Variants in COL22A1 observed in about 807,000 individuals in gnomAD.
COL22A1 encodes the protein collagen type XXII alpha 1 chain.
A neutral mutation model predicts 248.9 loss-of-function variants in COL22A1; 221 were observed. The ratio of observed to expected loss-of-function variants is 0.89; its 90% CI spans 0.80 to 0.99. COL22A1 has a LOEUF of 0.99. Among genes scored for constraint, COL22A1 ranks in the 50% least tolerant of loss-of-function variants. The probability of loss-of-function intolerance (pLI) is 0.00; values close to 1 mark genes in which losing one functional copy is unlikely to be tolerated. For synonymous variants in COL22A1, 891 were observed against 793.4 expected (o/e 1.12, Z -2.07); for missense variants, 2,240 against 2,179.0 (o/e 1.03, Z -0.56).
chr8:138,614,682 C>T (rs568749800), intron 55 of COL22A1, among the ~76,000 whole-genome samples: 18 of 151,442 alleles, frequency 1.2e-4, no homozygotes, highest in South Asian at 8.4e-4. Flanking sequence ...GACTGTATCA[C>T]GATTCTCAAG....
At chr8:138,717,763 A>C (rs1829557231) in intron 27 of COL22A1, among the ~76,000 whole-genome samples, 1 of 152,250 alleles carries the variant, frequency 6.6e-6, no homozygotes, top group African/African-American at 2.4e-5. Flanking sequence ...GAGGGGCTTT[A>C]TCTCTGATCC....
At chr8:138,809,606 C>T (rs1338737929) in intron 9 of COL22A1, among the ~76,000 whole-genome samples, 5 of 149,212 alleles carry the variant, frequency 3.4e-5, no homozygotes, top group East Asian at 2.0e-4. Context: ...CTGCAACCTC[C>T]GCCTCCCGGG....
intron 16 of COL22A1, among the ~76,000 whole-genome samples, chr8:138,763,754 C>G (rs1002588211): frequency 1.3e-5 from 2 of 152,190 alleles, no homozygotes; most frequent in African/African-American, 4.8e-5. Context: ...CCGCTGCCTC[C>G]CCTGCACCCT....
rs561685515 is a variant in COL22A1 at position 138,824,578 on chromosome 8, C to T, written c.969+2080G>A. ...TTATTGAAACCCAGCCTCAGTTTAC[C>T]CAAATGACAAATGGGGAAAATGTCA... On this transcript the variant is annotated intron_variant, in intron 6 of 64. Coordinates refer to ENST00000303045, the MANE Select transcript of COL22A1 (RefSeq NM_152888.3). Among the ~76,000 whole-genome samples the T allele has an allele frequency of 2.6e-5, 4 of 152,264 alleles. No individual in the cohort carries two copies. In the South Asian group the frequency reaches 8.3e-4, roughly 32 times the overall value.
chr8:138,843,937 C>T (rs781686132), intron 4 of COL22A1, 147 bp downstream of exon 4: 67 of 751,568 alleles, frequency 8.9e-5, no homozygotes, highest in South Asian at 2.2e-4. Context: ...GCCACCTGCA[C>T]GATTCAAACC....
At chr8:138,675,473 G>A (rs1224731265) in intron 41 of COL22A1, among the ~76,000 whole-genome samples, 1 of 152,116 alleles carries the variant, frequency 6.6e-6, no homozygotes, top group African/African-American at 2.4e-5. Context: ...TATTCCAGTT[G>A]CATTTAATAA....
intron 52 of COL22A1, among the ~76,000 whole-genome samples, chr8:138,622,959 C>T (rs561961212): frequency 3.3e-4 from 50 of 151,880 alleles, no homozygotes; most frequent in African/African-American, 1.2e-3. Context: ...TTGGGAAGAC[C>T]TAAGAGGTGC....
rs1483473258 is a variant in COL22A1, at chr8:138,588,655, C to G, written c.*598G>C. On this transcript the variant is annotated 3_prime_UTR_variant, in exon 65 of 65. Coordinates refer to ENST00000303045, the MANE Select transcript of COL22A1 (RefSeq NM_152888.3). ...ACCCTGAGGGCTGATTCTGTGTTTT[C>G]CAAATGCACGTCCCGTCGGGAGGTG... 1 of 152,188 alleles carries G rather than the reference C, an allele frequency of 6.6e-6. No individual in the cohort carries two copies. The highest frequency in any genetic ancestry group is 1.5e-5 in the Non-Finnish European group (1 of 68,076). The allele number at this position is 152,188 out of a possible 1,614,324, so 9.4% of individuals were successfully genotyped here. A position where few individuals can be genotyped will look rare whatever the true frequency, so the allele number is the denominator to read the frequency against.
At chr8:138,750,603 A>C (rs1832514264) in intron 22 of COL22A1, among the ~76,000 whole-genome samples, 1 of 152,220 alleles carries the variant, frequency 6.6e-6, no homozygotes, top group Non-Finnish European at 1.5e-5. Context: ...TGCCTCTCCC[A>C]GATGCCAGGA....
At chr8:138,847,369 T>G (rs1014535699) in intron 3 of COL22A1, among the ~76,000 whole-genome samples, 7 of 152,216 alleles carry the variant, frequency 4.6e-5, no homozygotes, top group Non-Finnish European at 1.0e-4. Context: ...GCTCCTGCCC[T>G]GGAGGTGTAG....
At chr8:138,678,373 C>T (rs1825723621) in intron 40 of COL22A1, among the ~76,000 whole-genome samples, 1 of 152,158 alleles carries the variant, frequency 6.6e-6, no homozygotes, top group African/African-American at 2.4e-5. Flanking sequence ...CCTGCTGTTT[C>T]TGGGTCCCTA....
At chr8:138,620,494 T>C (rs1819698269) in intron 52 of COL22A1, 2 of 152,154 alleles carry the variant, frequency 1.3e-5, no homozygotes, top group African/African-American at 2.4e-5. Flanking sequence ...AGCTGTGTGA[T>C]CTTAAAGTGC....
chr8:138,664,667 C>G (rs911329334), intron 41 of COL22A1, among the ~76,000 whole-genome samples: 1 of 152,168 alleles, frequency 6.6e-6, no homozygotes, highest in Non-Finnish European at 1.5e-5. Context: ...TGAATGCTCC[C>G]ATGAGGTGGC....
At chr8:138,683,681 G>T (rs1481702294) in intron 39 of COL22A1, among the ~76,000 whole-genome samples, 1 of 152,140 alleles carries the variant, frequency 6.6e-6, no homozygotes, top group African/African-American at 2.4e-5. Context: ...GGATGGAAGA[G>T]CCATGGGATT....
chr8:138,831,626 G>A (rs1325065781), intron 5 of COL22A1, among the ~76,000 whole-genome samples: 1 of 152,086 alleles, frequency 6.6e-6, no homozygotes, highest in Non-Finnish European at 1.5e-5. Context: ...CATGAACTAA[G>A]GCCTCCCAGT....
intron 52 of COL22A1, among the ~76,000 whole-genome samples, chr8:138,622,577 C>G (rs1278913814): frequency 1.3e-5 from 2 of 152,182 alleles, no homozygotes; most frequent in Non-Finnish European, 2.9e-5. Flanking sequence ...CTTCCTACTG[C>G]TATGTCCCCT....
intron 12 of COL22A1, among the ~76,000 whole-genome samples, chr8:138,787,864 C>A (rs1162582209): frequency 6.6e-6 from 1 of 152,190 alleles, no homozygotes; most frequent in African/African-American, 2.4e-5. Flanking sequence ...TTATCCATCT[C>A]CTCTCACCCA....
At chr8:138,902,731 T>TAC (rs1814687531) in intron 1 of COL22A1, among the ~76,000 whole-genome samples, 1 of 91,496 alleles carries the variant, frequency 1.1e-5, no homozygotes, top group African/African-American at 4.2e-5. Flanking sequence ...TATAAATATA[T>TAC]ATATATATAC....
rs147112869 is a variant in COL22A1 at position 138,734,431 on chromosome 8, T to G, written c.2139+3093A>C. 3.3e-3 allele frequency among the ~76,000 whole-genome samples: 509 copies of G among 152,284 alleles called. 1 individual carries two copies. The highest frequency in any genetic ancestry group is 8.3e-3 in the African/African-American group (344 of 41,544). ...CATGAATGAATAAGCAAATGCATGA[T>G]AGTAAGCAGGAGAAAACAGAGGCCA... On this transcript the variant is annotated intron_variant, in intron 23 of 64. Transcript: ENST00000303045.
Sources: allele counts gnomAD v4.1 joint callset (sites outside exome capture counted in the v4.1 genomes callset), GRCh38; gene constraint gnomAD v4.1.1; transcripts MANE v1.5; gene names NCBI Gene and HGNC (gene_info 2026-07-23, HGNC 2026-07-21).